The following MTOR variants were observed in gnomAD, a reference collection of about 807,000 sequenced individuals.
The protein encoded by MTOR is mechanistic target of rapamycin kinase, also known as serine/threonine-protein kinase mTOR.
In MTOR, 70 loss-of-function variants were observed where a neutral mutation model predicts 319.8. The observed-to-expected ratio is 0.22, with a 90% CI of 0.18 to 0.27. The LOEUF is 0.27. Among genes scored for constraint, MTOR ranks in the 10% least tolerant of loss-of-function variants. The probability of loss-of-function intolerance (pLI) is 1.00; values close to 1 mark genes in which losing one functional copy is unlikely to be tolerated. For missense variants in MTOR, 1,890 were observed against 3,274.4 expected, an observed-to-expected ratio of 0.58 and a Z score of 10.32; for synonymous variants, 1,183 against 1,211.4, an observed-to-expected ratio of 0.98 and a Z score of 0.49.
chr1:11,208,524 TG>T (rs1477979416), intron 25 of MTOR, among the ~76,000 whole-genome samples: 4 of 152,262 alleles, frequency 2.6e-5, no homozygotes, highest in African/African-American at 9.6e-5. Context: ...TGGAGTGAGA[TG>T]GCTAATAGAT....
At chr1:11,249,363 A>C (rs1294255285) in intron 6 of MTOR, among the ~76,000 whole-genome samples, 1 of 150,692 alleles carries the variant, frequency 6.6e-6, no homozygotes, top group Admixed American at 6.6e-5. Flanking sequence ...CTCTCGTCAA[A>C]GTCACCAGTG....
At chr1:11,259,581 T>C (rs1234609771) in intron 1 of MTOR, among the ~76,000 whole-genome samples, 158 bp from the exon 2 acceptor site, 9 of 152,190 alleles carry the variant, frequency 5.9e-5, no homozygotes, top group Admixed American at 5.9e-4. Flanking sequence ...TTAGAAAGCC[T>C]AGATTCATTA....
intron 39 of MTOR, among the ~76,000 whole-genome samples, chr1:11,130,212 C>A (rs1361369805): frequency 6.6e-6 from 1 of 152,166 alleles, no homozygotes; most frequent in Non-Finnish European, 1.5e-5. Context: ...CCTCCCAAGC[C>A]CCATCCTCAG....
intron 19 of MTOR, among the ~76,000 whole-genome samples, chr1:11,219,076 A>C (rs1646572798): frequency 6.6e-6 from 1 of 152,058 alleles, no homozygotes; most frequent in Non-Finnish European, 1.5e-5. Flanking sequence ...TTAGCTGGGC[A>C]TAGTGGCATG....
At chr1:11,153,993 T>C (rs1436126130) in intron 30 of MTOR, among the ~76,000 whole-genome samples, 1 of 133,466 alleles carries the variant, frequency 7.5e-6, no homozygotes, top group Non-Finnish European at 1.5e-5. Context: ...CACTTGACCC[T>C]GGGAGGTGAA....
chr1:11,109,278 T>A lies in MTOR; in HGVS notation c.7528+12A>T, dbSNP rs1488834156. ...TTTATGTCCCTTTTAAGTAAACACA[T>A]GACACACTCACCAGTGAGCTTATCT... On this transcript the variant is annotated intron_variant, in intron 56 of 57. Transcript: ENST00000361445. This position sits in a 1 kb window ranked among gnomAD's most constrained non-coding sequence, Gnocchi z 4.0. 6.2e-7 allele frequency: 1 copy of A among 1,612,422 alleles called. No individual in the cohort carries two copies. The highest frequency in any genetic ancestry group is 1.1e-5 in the South Asian group (1 of 90,882).
intron 28 of MTOR, among the ~76,000 whole-genome samples, chr1:11,176,777 A>G (rs1164646987): frequency 6.6e-6 from 1 of 152,228 alleles, no homozygotes; most frequent in African/African-American, 2.4e-5. Flanking sequence ...ACTGAGGCTT[A>G]GCTCTGTGCC....
chr1:11,236,509 GT>G (rs1182732565), intron 13 of MTOR, among the ~76,000 whole-genome samples: 11,119 of 123,896 alleles, frequency 0.09, 438 homozygotes, highest in South Asian at 0.19. Flanking sequence ...GTGATTTCAC[GT>G]TTTTTTTTTT....
chr1:11,231,556 G>A (rs558690434), intron 16 of MTOR, 122 bp from the exon 17 acceptor site: 1 of 1,213,960 alleles, frequency 8.2e-7, no homozygotes, highest in South Asian at 1.6e-5. Flanking sequence ...GAGGTTTCCA[G>A]TAAAGACACT....
intron 30 of MTOR, among the ~76,000 whole-genome samples, chr1:11,151,079 G>A (rs999280597): frequency 1.3e-5 from 2 of 152,150 alleles, no homozygotes; most frequent in Non-Finnish European, 2.9e-5. Context: ...AGTTCTAAGT[G>A]GCCCAGGTCA....
intron 36 of MTOR, among the ~76,000 whole-genome samples, chr1:11,135,345 C>T (rs1643353135): frequency 6.6e-6 from 1 of 151,852 alleles, no homozygotes; most frequent in African/African-American, 2.4e-5. Context: ...ATAGAATGTA[C>T]AAACATCAAA....
intron 28 of MTOR, chr1:11,192,463 A>C: frequency 1.7e-6 from 2 of 1,173,348 alleles, no homozygotes; most frequent in Non-Finnish European, 2.5e-6. Context: ...AGTTTAAAGA[A>C]AGGAAAATTC....
intron 24 of MTOR, among the ~76,000 whole-genome samples, chr1:11,209,779 C>G (rs1188844558): frequency 6.6e-6 from 1 of 152,208 alleles, no homozygotes; most frequent in East Asian, 1.9e-4. Context: ...CAGCCCCCAT[C>G]CCCTGGCTTT....
intron 18 of MTOR, among the ~76,000 whole-genome samples, chr1:11,230,460 G>T (rs188426388): frequency 9.3e-4 from 141 of 152,226 alleles, no homozygotes; most frequent in African/African-American, 3.2e-3. Context: ...CCATTTCACG[G>T]AAAAAAGAGC....
chr1:11,183,853 G>A (rs1645233459), intron 28 of MTOR, among the ~76,000 whole-genome samples: 1 of 152,142 alleles, frequency 6.6e-6, no homozygotes. Flanking sequence ...TAAGGCTACT[G>A]AGCTGACTTA....
intron 11 of MTOR, among the ~76,000 whole-genome samples, chr1:11,240,064 C>T (rs973402593): frequency 7.9e-5 from 12 of 152,192 alleles, no homozygotes; most frequent in Non-Finnish European, 1.6e-4. Context: ...AGCATTATTT[C>T]CTTGGATCAA....
At chr1:11,171,658 A>C (rs1430215258) in intron 28 of MTOR, among the ~76,000 whole-genome samples, 2 of 152,114 alleles carry the variant, frequency 1.3e-5, no homozygotes, top group Non-Finnish European at 2.9e-5. Context: ...ATACAGCTAC[A>C]GCCTTGATAT....
At chr1:11,207,421 T>TTTTTG (rs1646171437) in intron 25 of MTOR, among the ~76,000 whole-genome samples, 1 of 144,596 alleles carries the variant, frequency 6.9e-6, no homozygotes, top group African/African-American at 2.5e-5. Context: ...TTTTTTTTTT[T>TTTTTG]TTTTTTGAAG....
intron 16 of MTOR, 35 bp downstream of exon 16, chr1:11,232,401 T>C (rs545577674): frequency 1.3e-6 from 2 of 1,526,922 alleles, no homozygotes; most frequent in Non-Finnish European, 1.8e-6. Context: ...ACTCATGGGG[T>C]CTGTCTTGCT....
Sources: gnomAD v4.1 joint callset for allele counts (sites outside exome capture counted in the v4.1 genomes callset) on GRCh38, gnomAD v4.1.1 for gene constraint, Gnocchi (gnomAD v3.1) non-coding constraint, MANE v1.5 for transcripts, NCBI Gene and HGNC (gene_info 2026-07-23, HGNC 2026-07-21) for gene names.